DOCK1: variants seen among roughly 807,000 people sequenced by gnomAD.
DOCK1 encodes dedicator of cytokinesis protein 1.
A neutral mutation model predicts 262.7 loss-of-function variants in DOCK1; 138 were observed. That is an observed-to-expected ratio of 0.53 (90% CI 0.46 to 0.61). The LOEUF is 0.61. DOCK1 is among the 20% of genes least tolerant of loss of function. DOCK1 has a pLI of 0.00. For missense variants in DOCK1, 1,908 were observed against 2,370.7 expected, an observed-to-expected ratio of 0.80 and a Z score of 4.05; for synonymous variants, 866 against 867.4, an observed-to-expected ratio of 1.00 and a Z score of 0.03.
rs114453723 is a variant in DOCK1 at position 127,395,882 on chromosome 10, C to T, written c.3928-7173C>T. Among the ~76,000 whole-genome samples, 745 of 152,292 alleles carry T rather than the reference C, an allele frequency of 4.9e-3. 8 individuals are homozygous for T. Among genetic ancestry groups the T allele is most frequent in the African/African-American group, 0.015 (639 of 41,564 alleles). ...TGGCCTAGAAGCCAAGAGTTCTTGC[C>T]GGGAGGAAGATGTAGGAAGGGAATG... On this transcript the variant is annotated intron_variant, in intron 38 of 51. Coordinates refer to ENST00000623213, the MANE Select transcript of DOCK1 (RefSeq NM_001290223.2).
intron 27 of DOCK1, among the ~76,000 whole-genome samples, chr10:127,155,951 C>T (rs1272333751): frequency 6.6e-6 from 1 of 152,154 alleles, no homozygotes; most frequent in Non-Finnish European, 1.5e-5. Flanking sequence ...TTGTGTTGTG[C>T]TAGTGGGTAT....
chr10:126,985,594 A>G (rs998681776), intron 4 of DOCK1, among the ~76,000 whole-genome samples: 2 of 152,200 alleles, frequency 1.3e-5, no homozygotes, highest in Admixed American at 1.3e-4. Flanking sequence ...TCTCATAGCC[A>G]GTGTGAGGAG....
At position 127,432,751 on chromosome 10, in the gene DOCK1, C is replaced by T. The variant is rs114631338; in HGVS notation, c.4915-532C>T. On this transcript the variant is annotated intron_variant, in intron 47 of 51. Coordinates refer to ENST00000623213, the MANE Select transcript of DOCK1 (RefSeq NM_001290223.2). ...GGAGAAGCTTTAGCAACTTCAGCAG[C>T]GGTTTCACCTACTCAGTGGCTTCAG... 4.3e-3 allele frequency among the ~76,000 whole-genome samples: 654 copies of T among 152,284 alleles called. 4 individuals are homozygous for T. Among genetic ancestry groups the T allele is most frequent in the African/African-American group, 0.015 (624 of 41,568 alleles).
chr10:127,428,582 TTGTGTG>T (rs2068985461), intron 47 of DOCK1, among the ~76,000 whole-genome samples: 1 of 138,430 alleles, frequency 7.2e-6, no homozygotes, highest in African/African-American at 2.7e-5. Context: ...GATTGTGGTG[TTGTGTG>T]GATTGGGCTG....
intron 1 of DOCK1, among the ~76,000 whole-genome samples, chr10:126,952,239 T>C (rs890924056): frequency 2.0e-4 from 30 of 150,466 alleles, no homozygotes; most frequent in Admixed American, 1.6e-3. Context: ...GTTGGTAGTG[T>C]TGTAGGTGAT....
chr10:127,355,448 G>C (rs7912491), intron 32 of DOCK1, among the ~76,000 whole-genome samples: 34,235 of 152,052 alleles, frequency 0.23, 4,052 homozygotes, highest in East Asian at 0.38. Context: ...GGCTCCTGCC[G>C]TCAGCCCTCG....
At chr10:127,342,246 G>A (rs530976384) in intron 30 of DOCK1, among the ~76,000 whole-genome samples, 70 of 152,226 alleles carry the variant, frequency 4.6e-4, no homozygotes, top group African/African-American at 1.3e-3. Flanking sequence ...TCCTGCCGGT[G>A]CTGTGGCAAG....
At chr10:127,122,248 C>G (rs1181457187) in intron 25 of DOCK1, among the ~76,000 whole-genome samples, 1 of 152,096 alleles carries the variant, frequency 6.6e-6, no homozygotes, top group East Asian at 1.9e-4. Flanking sequence ...TGCTGTGGAC[C>G]AGGTGACGGA....
chr10:127,286,644 A>G (rs2061163522), intron 29 of DOCK1, among the ~76,000 whole-genome samples: 1 of 152,180 alleles, frequency 6.6e-6, no homozygotes, highest in African/African-American at 2.4e-5. Context: ...CTTAGGCATT[A>G]TATCATGTCG....
intron 1 of DOCK1, among the ~76,000 whole-genome samples, chr10:126,953,311 T>G (rs973204330): frequency 1.3e-5 from 2 of 151,258 alleles, no homozygotes; most frequent in South Asian, 4.2e-4. Context: ...GTGATGGCAG[T>G]GGAGGTGGTA....
intron 32 of DOCK1, among the ~76,000 whole-genome samples, chr10:127,361,449 A>G (rs2064441875): frequency 6.6e-6 from 1 of 152,110 alleles, no homozygotes; most frequent in Admixed American, 6.5e-5. Flanking sequence ...TTCCTATCAA[A>G]CAATAGCTCG....
At chr10:126,942,430 CTT>C (rs1268971400) in intron 1 of DOCK1, among the ~76,000 whole-genome samples, 3 of 152,122 alleles carry the variant, frequency 2.0e-5, no homozygotes, top group Non-Finnish European at 4.4e-5. Context: ...GTGAAGCTCA[CTT>C]TTAGTTTCAG....
chr10:127,053,480 T>C (rs758367237), intron 22 of DOCK1, among the ~76,000 whole-genome samples: 8 of 152,222 alleles, frequency 5.3e-5, no homozygotes, highest in Non-Finnish European at 8.8e-5. Context: ...TCTTCCTACA[T>C]AGGGTATTTC....
At chr10:127,034,401 C>A (rs9418805) in intron 18 of DOCK1, among the ~76,000 whole-genome samples, 34,088 of 152,020 alleles carry the variant, frequency 0.22, 3,771 homozygotes, top group Middle Eastern at 0.28. Context: ...ACAGGAAAGA[C>A]CTGCCCCCAT....
At chr10:126,906,296 G>A (rs549818127) in intron 1 of DOCK1, among the ~76,000 whole-genome samples, 47 of 152,188 alleles carry the variant, frequency 3.1e-4, no homozygotes, top group Non-Finnish European at 1.2e-4. Flanking sequence ...ACCCGAGTGC[G>A]CATTCCTGAG....
At position 127,125,508 on chromosome 10, in the gene DOCK1, T is replaced by A. The variant is rs2049894849; in HGVS notation, c.2658T>A (p.Asp886Glu). The A allele has an allele frequency of 6.2e-7, 1 of 1,613,724 alleles. No homozygotes were observed. Among genetic ancestry groups the A allele is most frequent in the South Asian group, 1.1e-5 (1 of 91,046 alleles). The change falls in exon 26 of 52, where the codon GAT becomes GAA. Residue 886 changes from aspartate (D) to glutamate (E), a missense_variant. Coordinates refer to ENST00000623213, the MANE Select transcript of DOCK1 (RefSeq NM_001290223.2). ...AGATCCTGCTTCCCATGATGACCGA[T>A]CAGCTCAAGTACCATCTGGAGAGAC... The part of the protein sequence containing the change: ...CREILLPMMT[D>E]QLKYHLERQE...
chr10:127,104,771 T>C (rs1474471571), intron 23 of DOCK1, among the ~76,000 whole-genome samples: 4 of 152,146 alleles, frequency 2.6e-5, no homozygotes, highest in African/African-American at 9.7e-5. Flanking sequence ...ATCTGGCAAC[T>C]TTTCCCAACA....
chr10:127,405,656 T>C (rs2067477260), intron 40 of DOCK1, among the ~76,000 whole-genome samples: 1 of 152,164 alleles, frequency 6.6e-6, no homozygotes, highest in African/African-American at 2.4e-5. Flanking sequence ...CATCTCTTCA[T>C]CACGGCACCC....
At chr10:127,110,601 G>C (rs1052633368) in intron 25 of DOCK1, among the ~76,000 whole-genome samples, 3 of 152,186 alleles carry the variant, frequency 2.0e-5, no homozygotes, top group African/African-American at 7.2e-5. Flanking sequence ...CAAAGTCCTA[G>C]GGTAATCAGC....
Sources: gnomAD v4.1 joint callset for allele counts (sites outside exome capture counted in the v4.1 genomes callset) on GRCh38, gnomAD v4.1.1 for gene constraint, MANE v1.5 for transcripts, NCBI Gene and HGNC (gene_info 2026-07-23, HGNC 2026-07-21) for gene names.